Variants in CHCHD6 observed in about 807,000 individuals in gnomAD.
CHCHD6 encodes coiled-coil-helix-coiled-coil-helix domain containing 6, also known as MICOS complex subunit MIC25.
A neutral mutation model predicts 32.3 loss-of-function variants in CHCHD6; 28 were observed. That is an observed-to-expected ratio of 0.87 (90% CI 0.64 to 1.19). The LOEUF (loss-of-function observed/expected upper bound fraction) is 1.19, where lower values mean the gene tolerates loss of function less well. Ranked by LOEUF, CHCHD6 falls within the 50% of genes most tolerant of loss-of-function variation. The probability of loss-of-function intolerance (pLI) is 0.00; values close to 1 mark genes in which losing one functional copy is unlikely to be tolerated. For synonymous variants in CHCHD6, 122 were observed against 117.5 expected (o/e 1.04, Z -0.25); for missense variants, 333 against 307.0 (o/e 1.08, Z -0.63).
At chr3:126,825,985 A>T (rs1359990724) in intron 4 of CHCHD6, among the ~76,000 whole-genome samples, 1 of 152,186 alleles carries the variant, frequency 6.6e-6, no homozygotes, top group Admixed American at 6.5e-5. Flanking sequence ...AATTTTTTGT[A>T]GTGTTCTATC....
At chr3:126,710,482 G>C (rs1385054183) in intron 1 of CHCHD6, among the ~76,000 whole-genome samples, 1 of 152,168 alleles carries the variant, frequency 6.6e-6, no homozygotes, top group Non-Finnish European at 1.5e-5. Flanking sequence ...AAGCTGACAG[G>C]GATTTTGATA....
At chr3:126,744,401 A>G (rs1305303608) in intron 4 of CHCHD6, among the ~76,000 whole-genome samples, 1 of 152,202 alleles carries the variant, frequency 6.6e-6, no homozygotes, top group African/African-American at 2.4e-5. Flanking sequence ...TTTGGCTGAG[A>G]AACATCAACA....
chr3:126,743,150 G>A (rs1481603734), intron 4 of CHCHD6, among the ~76,000 whole-genome samples: 1 of 152,192 alleles, frequency 6.6e-6, no homozygotes, highest in Non-Finnish European at 1.5e-5. Flanking sequence ...GTTACTCTGT[G>A]GACTGCTCAG....
intron 5 of CHCHD6, among the ~76,000 whole-genome samples, chr3:126,897,105 T>C (rs936935954): frequency 6.6e-6 from 1 of 152,156 alleles, no homozygotes; most frequent in Non-Finnish European, 1.5e-5. Flanking sequence ...TGTGGGGCCC[T>C]GATGTGTGGC....
At chr3:126,706,111 C>T (rs1170862428) in intron 1 of CHCHD6, among the ~76,000 whole-genome samples, 2 of 152,086 alleles carry the variant, frequency 1.3e-5, no homozygotes, top group Non-Finnish European at 2.9e-5. Flanking sequence ...GGTGCTCTCA[C>T]CCTTGTGATT....
At chr3:126,944,952 G>A (rs1028231653) in intron 6 of CHCHD6, among the ~76,000 whole-genome samples, 3 of 152,214 alleles carry the variant, frequency 2.0e-5, no homozygotes, top group Non-Finnish European at 2.9e-5. Flanking sequence ...GGGTGAGAGG[G>A]GTCCCTGAGG....
At chr3:126,749,477 G>A (rs1210485432) in intron 4 of CHCHD6, among the ~76,000 whole-genome samples, 2 of 152,164 alleles carry the variant, frequency 1.3e-5, no homozygotes, top group Non-Finnish European at 2.9e-5. Context: ...ACAAGGAGAT[G>A]CCTAGACTCC....
intron 4 of CHCHD6, among the ~76,000 whole-genome samples, chr3:126,801,703 A>G (rs887362208): frequency 9.9e-5 from 15 of 152,190 alleles, no homozygotes; most frequent in Non-Finnish European, 2.1e-4. Flanking sequence ...AGCTTTGAAG[A>G]GAGCAGTGGT....
At chr3:126,784,641 TTTCACACCTTTCCCTG>T (rs1276519204) in intron 4 of CHCHD6, among the ~76,000 whole-genome samples, 1 of 151,626 alleles carries the variant, frequency 6.6e-6, no homozygotes, top group Non-Finnish European at 1.5e-5. Context: ...CACAGAAACT[TTTCACACCTTTCCCTG>T]TTCAGGCATC....
intron 6 of CHCHD6, 194 bp from the exon 7 acceptor site, chr3:126,957,222 G>A (rs1433956358): frequency 6.2e-6 from 4 of 648,548 alleles, no homozygotes; most frequent in Non-Finnish European, 1.1e-5. Flanking sequence ...CCACCACAGG[G>A]CTTGACCCTG....
chr3:126,818,226 C>T (rs779310222), intron 4 of CHCHD6, among the ~76,000 whole-genome samples: 9 of 152,156 alleles, frequency 5.9e-5, no homozygotes, highest in Non-Finnish European at 1.0e-4. Context: ...TCAGTATTTT[C>T]CACCTTTTAA....
At chr3:126,867,565 T>C (rs1159905515) in intron 5 of CHCHD6, among the ~76,000 whole-genome samples, 1 of 152,234 alleles carries the variant, frequency 6.6e-6, no homozygotes, top group Non-Finnish European at 1.5e-5. Context: ...CTTTCCTTTC[T>C]TTCTCAGCTC....
At chr3:126,886,383 C>A (rs888333817) in intron 5 of CHCHD6, among the ~76,000 whole-genome samples, 3 of 152,242 alleles carry the variant, frequency 2.0e-5, no homozygotes, top group South Asian at 2.1e-4. Context: ...CCCTCTCCCC[C>A]TTCCAGGACA....
At position 126,937,300 on chromosome 3, in the gene CHCHD6, A is replaced by G. The variant is rs1272442668; in HGVS notation, c.567-20116A>G. Among the ~76,000 whole-genome samples the G allele has an allele frequency of 5.3e-5, 8 of 152,330 alleles. No homozygotes were observed. The East Asian group carries it at 1.5e-3, about 29-fold the overall frequency. ...TAAGCTGGCATTGAGCTTCACTTCC[A>G]TGCTAACTTGGAGAGTCTAAGATTC... On this transcript the variant is annotated intron_variant, in intron 6 of 7. Coordinates refer to ENST00000290913, the MANE Select transcript of CHCHD6 (RefSeq NM_032343.3).
At chr3:126,942,912 G>A (rs1243690441) in intron 6 of CHCHD6, among the ~76,000 whole-genome samples, 1 of 152,198 alleles carries the variant, frequency 6.6e-6, no homozygotes, top group Non-Finnish European at 1.5e-5. Flanking sequence ...CCATCTGTGT[G>A]TGGGGGGGAG....
rs539615828 is a variant in CHCHD6 at position 126,801,896 on chromosome 3, C to T, written c.412-50751C>T. 4.4e-3 allele frequency among the ~76,000 whole-genome samples: 669 copies of T among 152,268 alleles called. 4 individuals carry two copies. Among genetic ancestry groups the T allele is most frequent in the African/African-American group, 0.015 (641 of 41,546 alleles). On this transcript the variant is annotated intron_variant, in intron 4 of 7. Coordinates refer to ENST00000290913, the MANE Select transcript of CHCHD6 (RefSeq NM_032343.3). ...AGAGGAACGATCAGACAGCAGCATT[C>T]GCGGTTCATGAAAATCCACTGTTCT...
At chr3:126,842,891 G>A (rs1444444527) in intron 4 of CHCHD6, among the ~76,000 whole-genome samples, 1 of 145,670 alleles carries the variant, frequency 6.9e-6, no homozygotes, top group Non-Finnish European at 1.5e-5. Context: ...GTAAAAGAAT[G>A]TAGATATTTA....
At chr3:126,911,742 G>A (rs1213723806) in intron 5 of CHCHD6, among the ~76,000 whole-genome samples, 4 of 152,226 alleles carry the variant, frequency 2.6e-5, no homozygotes, top group Non-Finnish European at 5.9e-5. Flanking sequence ...CCGGGGCCAG[G>A]CTGTTTCTGG....
chr3:126,824,283 C>T (rs573629847), intron 4 of CHCHD6, among the ~76,000 whole-genome samples: 46 of 151,632 alleles, frequency 3.0e-4, no homozygotes, highest in African/African-American at 6.5e-4. Flanking sequence ...AACATTTGGC[C>T]GGGCACAGTG....
Sources: allele counts gnomAD v4.1 joint callset (sites outside exome capture counted in the v4.1 genomes callset), GRCh38; gene constraint gnomAD v4.1.1; transcripts MANE v1.5; gene names NCBI Gene and HGNC (gene_info 2026-07-23, HGNC 2026-07-21).